The following ALPG variants were observed in gnomAD, a reference collection of about 807,000 sequenced individuals.
The protein encoded by ALPG is alkaline phosphatase, germ cell.
Under a neutral mutation model 48.6 loss-of-function variants are expected in ALPG, and 32 were observed. The ratio of observed to expected loss-of-function variants is 0.66; its 90% CI spans 0.50 to 0.88. The LOEUF is 0.88. ALPG is among the 40% of genes least tolerant of loss of function. The pLI, the probability that ALPG is intolerant of heterozygous loss-of-function variation, is 0.00. For synonymous variants in ALPG, 244 were observed against 308.9 expected, an observed-to-expected ratio of 0.79 and a Z score of 2.20; for missense variants, 533 against 718.1, an observed-to-expected ratio of 0.74 and a Z score of 2.95.
At position 232,409,978 on chromosome 2, in the gene ALPG, C is replaced by T. The variant is rs1283533192; in HGVS notation, c.*106C>T. On this transcript the variant is annotated 3_prime_UTR_variant, in exon 11 of 11. Transcript: ENST00000295453. ...CCTGGAGCTGTCACCCCCGGAGTCG[C>T]CACACAGACGTCCTGCCATGGAACC... The T allele has an allele frequency of 7.0e-7, 1 of 1,431,082 alleles. No homozygotes were observed. Among genetic ancestry groups the T allele is most frequent in the Non-Finnish European group, 9.2e-7 (1 of 1,090,668 alleles). 88.6% of individuals were successfully genotyped at this position (1,431,082 alleles called of 1,614,324 possible). A position where few individuals can be genotyped will look rare whatever the true frequency, so the allele number is the denominator to read the frequency against.
rs1283053155 is a variant in ALPG at position 232,408,024 on chromosome 2, C to T, written c.648+7C>T. On this transcript the variant is annotated splice_region_variant and intron_variant, in intron 5 of 10. Transcript: ENST00000295453. ...CTCCAACATGGACATTGATGTGCGA[C>T]CCCCGGGCCAAGGGCTGGGGCTGGG... 6 of 1,605,190 alleles carry T rather than the reference C, an allele frequency of 3.7e-6. No homozygotes were observed. The Admixed American group carries it at 6.7e-5, about 18-fold the overall frequency.
Position 232,407,885 on chromosome 2 carries a change from T to C in ALPG, c.516T>C (p.His172=), listed in dbSNP as rs113898433. 4.1e-3 allele frequency: 6,595 copies of C among 1,613,438 alleles called. 36 individuals are homozygous for C. Among genetic ancestry groups the C allele is most frequent in the African/African-American group, 9.0e-3 (678 of 75,042 alleles). ...TGGTAACCACCACACGGGTGCAGCA[T>C]GCCTCGCCAGCCGGCGCCTACGCCC... is the stretch of plus-strand genomic sequence containing the variant. The part of the protein sequence containing the change: ...VGVVTTTRVQ[H]ASPAGAYAHT... Residue 172 remains histidine (H), a synonymous_variant, in exon 5 of 11, where the codon CAT becomes CAC. Coordinates refer to ENST00000295453, the MANE Select transcript of ALPG (RefSeq NM_031313.3).
In ALPG at chr2:232,406,869, T is replaced by A; in HGVS notation, c.-26T>A. ...ATACTCCATACCTGGGATTTCCGCC[T>A]CGCCGCTCTCCGACTGCTTCCAGAC... On this transcript the variant is annotated 5_prime_UTR_variant, in exon 1 of 11. Coordinates refer to ENST00000295453, the MANE Select transcript of ALPG (RefSeq NM_031313.3). 1.2e-6 allele frequency: 2 copies of A among 1,600,740 alleles called. No homozygotes were observed. The highest frequency in any genetic ancestry group is 1.7e-6 in the Non-Finnish European group (2 of 1,174,582).
chr2:232,407,222 C>T (rs777474035), intron 2 of ALPG, 49 bp downstream of exon 2: 2 of 1,613,828 alleles, frequency 1.2e-6, no homozygotes, highest in Non-Finnish European at 1.7e-6. Flanking sequence ...GCCCCGGCGC[C>T]CGGACCCTCA....
At position 232,407,650 on chromosome 2, in the gene ALPG, G is replaced by A. The variant is rs1472198984; in HGVS notation, c.357G>A (p.Leu119=). ...GTGGAGCCACAGCCACGGCCTACCT[G>A]TGCGGGGTCAAGGGCAACTTCCAGA... ...PDSGATATAY[L]CGVKGNFQTI... The change falls in exon 4 of 11, where the codon CTG becomes CTA. Residue 119 remains leucine, a synonymous_variant. Transcript: ENST00000295453. 3.1e-6 allele frequency: 5 copies of A among 1,613,948 alleles called. No homozygotes were observed. In the South Asian group the frequency reaches 3.3e-5, roughly 11 times the overall value.
At position 232,410,218 on chromosome 2, in the gene ALPG, T is replaced by G; in HGVS notation, c.*346T>G. The G allele has an allele frequency of 5.4e-6, 2 of 370,738 alleles. No individual in the cohort carries two copies. Among genetic ancestry groups the G allele is most frequent in the East Asian group, 5.3e-5 (1 of 18,808 alleles). 23.0% of individuals were successfully genotyped at this position (370,738 alleles called of 1,614,324 possible). A position where few individuals can be genotyped will look rare whatever the true frequency, so the allele number is the denominator to read the frequency against. The stretch of plus-strand genomic sequence containing the variant: ...TCTCCCCGGGGACATGAGGCACCCA[T>G]ACCTAGGACCCCCTGCGCCTTTTTT... On this transcript the variant is annotated 3_prime_UTR_variant, in exon 11 of 11. Transcript: ENST00000295453.
rs1559247165 is a variant in ALPG at position 232,407,188 on chromosome 2, C to T, written c.184+15C>T. The T allele has an allele frequency of 1.2e-6, 2 of 1,613,934 alleles. No homozygotes were observed. The highest frequency in any genetic ancestry group is 1.1e-5 in the South Asian group (1 of 90,956). On this transcript the variant is annotated intron_variant, in intron 2 of 10. Transcript: ENST00000295453. ...CCTGGGTGACGGTGAGTGAGCCAGG[C>T]CTTCCAGCCCCGCAGCCCTCACAGC...
Position 232,408,190 on chromosome 2 carries a change from G to A in ALPG, c.649-77G>A, listed in dbSNP as rs1197452780. ...CATTCCCACAGCCTTGGGGAGGGGA[G>A]TCAGGGGCTGTGCATGAGGAGGGGA... On this transcript the variant is annotated intron_variant, in intron 5 of 10. Transcript: ENST00000295453. 5 of 1,595,828 alleles carry A rather than the reference G, an allele frequency of 3.1e-6. No individual in the cohort carries two copies. The African/African-American group carries it at 5.4e-5, about 17-fold the overall frequency.
In ALPG at chr2:232,407,140, G is replaced by A; in HGVS notation, c.151G>A (p.Ala51Thr). 1 of 1,613,990 alleles carries A rather than the reference G, an allele frequency of 6.2e-7. No individual in the cohort carries two copies. The highest frequency in any genetic ancestry group is 8.5e-7 in the Non-Finnish European group (1 of 1,180,016). Residue 51 changes from alanine (A) to threonine (T), a missense_variant, in exon 2 of 11, where the codon GCC (alanine) becomes ACC (threonine). Ala to Thr is a moderately conservative substitution (Grantham distance 58, BLOSUM62 0). Coordinates refer to ENST00000295453, the MANE Select transcript of ALPG (RefSeq NM_031313.3). ...CAAGAAGCTGCAGCCTGCACAGACAGCCGCCAAGAACCTCATCATCTTCCT... is the reference window on the plus strand; with the variant it reads ...CAAGAAGCTGCAGCCTGCACAGACAACCGCCAAGAACCTCATCATCTTCCT... ...AAKKLQPAQT[A>T]AKNLIIFLGD...
At position 232,406,888 on chromosome 2, in the gene ALPG, T is replaced by G; in HGVS notation, c.-7T>G. The G allele has an allele frequency of 6.2e-7, 1 of 1,610,750 alleles. No homozygotes were observed. The highest frequency in any genetic ancestry group is 8.5e-7 in the Non-Finnish European group (1 of 1,178,944). On this transcript the variant is annotated 5_prime_UTR_variant, in exon 1 of 11. Coordinates refer to ENST00000295453, the MANE Select transcript of ALPG (RefSeq NM_031313.3). ...TCCGCCTCGCCGCTCTCCGACTGCTTCCAGACATGCAGGGGCCCTGGGTGC... is the reference window on the plus strand; with the variant it reads ...TCCGCCTCGCCGCTCTCCGACTGCTGCCAGACATGCAGGGGCCCTGGGTGC...
At position 232,409,818 on chromosome 2, in the gene ALPG, G is replaced by C; in HGVS notation, c.1545G>C (p.Leu515Phe). ...CGGGGCCGTCCGTGGTCCCCGCGTT[G>C]CTTCCTCTGCTGGCAGGGACCTTGC... ...AHPGPSVVPA[L>F]LPLLAGTLLL... Residue 515 changes from leucine (L) to phenylalanine (F), a missense_variant, in exon 11 of 11, where the codon TTG (leucine) becomes TTC (phenylalanine). Physicochemically the swap from Leu to Phe is conservative, Grantham distance 22. This residue lies in a region of ALPG where 145 missense variants were observed against 174.3 expected (regional missense o/e 0.83). Transcript: ENST00000295453. 1 of 1,591,714 alleles carries C rather than the reference G, an allele frequency of 6.3e-7. No individual in the cohort carries two copies. Among genetic ancestry groups the C allele is most frequent in the Non-Finnish European group, 8.5e-7 (1 of 1,171,390 alleles).
In ALPG at chr2:232,406,844, A is replaced by C. The variant is rs1697084917; in HGVS notation, c.-51A>C. 5 of 1,577,154 alleles carry C rather than the reference A, an allele frequency of 3.2e-6. No homozygotes were observed. The highest frequency in any genetic ancestry group is 1.8e-5 in the Admixed American group (1 of 56,916). On this transcript the variant is annotated 5_prime_UTR_variant, in exon 1 of 11. Transcript: ENST00000295453. The stretch of plus-strand genomic sequence containing the variant: ...ACCCAGGCAGCCTGGAGTGCAGCTC[A>C]TACTCCATACCTGGGATTTCCGCCT...
intron 5 of ALPG, 53 bp downstream of exon 5, chr2:232,408,070 G>A (rs1446161139): frequency 8.2e-6 from 13 of 1,580,446 alleles, no homozygotes; most frequent in Non-Finnish European, 1.1e-5. Context: ...CAGGGAGGGG[G>A]CACCAGCTCA....
Position 232,406,887 on chromosome 2 carries a change from TTC to T in ALPG, c.-7_-6del. 6.2e-7 allele frequency: 1 copy of T among 1,610,706 alleles called. No individual in the cohort carries two copies. The highest frequency in any genetic ancestry group is 8.5e-7 in the Non-Finnish European group (1 of 1,178,910). On this transcript the variant is annotated 5_prime_UTR_variant, in exon 1 of 11. Coordinates refer to ENST00000295453, the MANE Select transcript of ALPG (RefSeq NM_031313.3). ...TTCCGCCTCGCCGCTCTCCGACTGC[TTC>T]CAGACATGCAGGGGCCCTGGGTGCT...
At chr2:232,408,649 C>A in intron 7 of ALPG, 55 bp from the exon 8 acceptor site, 2 of 1,491,140 alleles carry the variant, frequency 1.3e-6, no homozygotes, top group Admixed American at 1.8e-5. Flanking sequence ...TGCACATCCG[C>A]CAGCACCCTC....
At position 232,407,350 on chromosome 2, in the gene ALPG, G is replaced by T. The variant is rs1697103732; in HGVS notation, c.249G>T (p.Gly83=). The T allele has an allele frequency of 1.9e-6, 3 of 1,613,772 alleles. No homozygotes were observed. Among genetic ancestry groups the T allele is most frequent in the South Asian group, 2.2e-5 (2 of 90,962 alleles). ...ILKGQKKDKL[G]PETFLAMDRF... ...AAGGGCAGAAGAAGGACAAACTGGG[G>T]CCTGAGACCTTCCTGGCCATGGACC... Residue 83 remains glycine, a synonymous_variant, in exon 3 of 11, where the codon GGG becomes GGT. Transcript: ENST00000295453.
At chr2:232,406,996 A>G in intron 1 of ALPG, 35 bp downstream of exon 1, 3 of 1,609,794 alleles carry the variant, frequency 1.9e-6, no homozygotes, top group Non-Finnish European at 2.5e-6. Context: ...CTACACACAC[A>G]CACACACACA....
chr2:232,407,171 A>G lies in ALPG; in HGVS notation c.182A>G (p.Asp61Gly). 6.2e-7 allele frequency: 1 copy of G among 1,613,874 alleles called. No homozygotes were observed. The highest frequency in any genetic ancestry group is 8.5e-7 in the Non-Finnish European group (1 of 1,179,984). Reference protein sequence around the residue: ...AAKNLIIFLGDGMGVSTVTAA... With the variant: ...AAKNLIIFLGGGMGVSTVTAA... ...AAGAACCTCATCATCTTCCTGGGTG[A>G]CGGTGAGTGAGCCAGGCCTTCCAGC... The change falls in exon 2 of 11, where the codon GAC becomes GGC. Residue 61 changes from aspartate (D) to glycine (G), a missense_variant and splice_region_variant. Physicochemically the swap from Asp to Gly is moderately conservative, Grantham distance 94 (BLOSUM62 -1). Around this residue, in one of 6 missense-constraint regions of ALPG, gnomAD observed 315 missense variants for 305.8 expected, o/e 1.03. Transcript: ENST00000295453.
At chr2:232,409,302 G>T in intron 9 of ALPG, 30 bp from the exon 10 acceptor site, 1 of 1,332,572 alleles carries the variant, frequency 7.5e-7, no homozygotes, top group Non-Finnish European at 1.1e-6. Flanking sequence ...GCTGTGTTCA[G>T]CTCAACCACA....
Sources: gnomAD v4.1 joint callset for allele counts on GRCh38, gnomAD v4.1.1 for gene constraint, gnomAD v4.1.1 regional missense constraint, MANE v1.5 for transcripts, NCBI Gene and HGNC (gene_info 2026-07-23, HGNC 2026-07-21) for gene names.